The following GABPB2 variants were observed in gnomAD, a reference collection of about 807,000 sequenced individuals.
GABPB2 encodes GA binding protein transcription factor subunit beta 2.
A neutral mutation model predicts 39.1 loss-of-function variants in GABPB2; 23 were observed. The ratio of observed to expected loss-of-function variants is 0.59; its 90% CI spans 0.42 to 0.83. GABPB2 has a LOEUF of 0.83. Ranked by LOEUF, GABPB2 falls within the 40% of genes least tolerant of loss-of-function variation. GABPB2 has a pLI of 0.00. For synonymous variants in GABPB2, 184 were observed against 199.3 expected (o/e 0.92, Z 0.65); for missense variants, 467 against 541.1 (o/e 0.86, Z 1.36).
chr1:151,086,137 C>T (rs917448370), intron 1 of GABPB2, among the ~76,000 whole-genome samples: 3 of 151,896 alleles, frequency 2.0e-5, no homozygotes, highest in East Asian at 1.9e-4. Context: ...CCCAGCTACT[C>T]GGGAAGCTGA....
chr1:151,098,777 G>A (rs889446360), intron 5 of GABPB2, among the ~76,000 whole-genome samples: 1 of 152,112 alleles, frequency 6.6e-6, no homozygotes, highest in East Asian at 1.9e-4. Flanking sequence ...ACTTGGTGTT[G>A]ATCTTTTGAA....
chr1:151,089,905 A>G (rs1678523757), intron 2 of GABPB2, among the ~76,000 whole-genome samples: 2 of 150,948 alleles, frequency 1.3e-5, no homozygotes. Context: ...TACTTATTCA[A>G]TTGGTGGTAT....
At position 151,125,363 on chromosome 1, in the gene GABPB2, T is replaced by G. The variant is rs1681335980; in HGVS notation, c.*7107T>G. 6.6e-6 allele frequency: 1 copy of G among 152,130 alleles called. No individual in the cohort carries two copies. The highest frequency in any genetic ancestry group is 1.5e-5 in the Non-Finnish European group (1 of 68,038). The allele number at this position is 152,130 out of a possible 1,614,324, so 9.4% of individuals were successfully genotyped here. ...GTCTGACAGCTTTATGTACAGCGTA[T>G]TTTTAGAAAAACTTAAATATACTTC... On this transcript the variant is annotated 3_prime_UTR_variant, in exon 9 of 9. Coordinates refer to ENST00000368918, the MANE Select transcript of GABPB2 (RefSeq NM_144618.3).
chr1:151,093,235 CT>C lies in GABPB2; in HGVS notation c.323del (p.Leu108CysfsTer13). On this transcript the variant is annotated frameshift_variant, in exon 4 of 9. Coordinates refer to ENST00000368918, the MANE Select transcript of GABPB2 (RefSeq NM_144618.3). LOFTEE classifies it high-confidence loss of function. Reference sequence around the variant, plus strand: ...GCCAAGGACATGCTGAAGATGACAGCTTTGCATTGGGCCACAGAGCGCCACC... The same window carrying C: ...GCCAAGGACATGCTGAAGATGACAGCTTGCATTGGGCCACAGAGCGCCACC... ...VNAKDMLKMT[A>X]LHWATERHHR... is the part of the protein sequence containing the mutation. The C allele has an allele frequency of 6.2e-7, 1 of 1,607,034 alleles. No individual in the cohort carries two copies. Among genetic ancestry groups the C allele is most frequent in the Non-Finnish European group, 8.5e-7 (1 of 1,177,156 alleles).
At position 151,123,163 on chromosome 1, in the gene GABPB2, CA is replaced by C. The variant is rs1350690367; in HGVS notation, c.*4908del. 2.0e-5 allele frequency: 3 copies of C among 152,142 alleles called. No homozygotes were observed. 9.4% of individuals were successfully genotyped at this position (152,142 alleles called of 1,614,324 possible). A position where few individuals can be genotyped will look rare whatever the true frequency, so the allele number is the denominator to read the frequency against. ...GGTTGGATTATTAAGAATCAAATAG[CA>C]GACAAAAATGGCTGGGCACGGTGGC... On this transcript the variant is annotated 3_prime_UTR_variant, in exon 9 of 9. Coordinates refer to ENST00000368918, the MANE Select transcript of GABPB2 (RefSeq NM_144618.3).
intron 7 of GABPB2, among the ~76,000 whole-genome samples, chr1:151,109,364 A>ATATATTTTTT (rs779537595): frequency 8.9e-5 from 10 of 112,388 alleles, no homozygotes; most frequent in East Asian, 8.4e-4. Context: ...ATATATATAT[A>ATATATTTTTT]TTTTTTTTTT....
intron 1 of GABPB2, among the ~76,000 whole-genome samples, chr1:151,080,224 A>AC (rs1558126217): frequency 2.3e-5 from 3 of 128,342 alleles, no homozygotes; most frequent in African/African-American, 9.8e-5. Flanking sequence ...TCAAAAAAAA[A>AC]AAAAAAAAAA....
rs1226131527 is a variant in GABPB2 at position 151,123,808 on chromosome 1, C to T, written c.*5552C>T. The T allele has an allele frequency of 6.6e-6, 1 of 150,430 alleles. No individual in the cohort carries two copies. Among genetic ancestry groups the T allele is most frequent in the Non-Finnish European group, 1.5e-5 (1 of 67,896 alleles). The allele number at this position is 150,430 out of a possible 1,614,324, so 9.3% of individuals were successfully genotyped here. ...CAGAGCTTGCAGTGAGCTGAGATCGCCCCACTGCAACAGATCGCCTGGGCA... is the reference window on the plus strand; with the variant it reads ...CAGAGCTTGCAGTGAGCTGAGATCGTCCCACTGCAACAGATCGCCTGGGCA... On this transcript the variant is annotated 3_prime_UTR_variant, in exon 9 of 9. Coordinates refer to ENST00000368918, the MANE Select transcript of GABPB2 (RefSeq NM_144618.3).
In GABPB2 at chr1:151,118,117, C is replaced by T. The variant is rs750051024; in HGVS notation, c.1208C>T (p.Thr403Ile). The T allele has an allele frequency of 1.5e-5, 25 of 1,614,000 alleles. No individual in the cohort carries two copies. Among genetic ancestry groups the T allele is most frequent in the Non-Finnish European group, 2.0e-5 (24 of 1,180,036 alleles). ...ARQQPNGVDF[T>I]MVEEVAEVDA... ...CAGCAGCCCAATGGAGTTGATTTCA[C>T]CATGGTTGAAGAGGTGGCTGAGGTA... The change falls in exon 9 of 9, where the codon ACC becomes ATC. Residue 403 changes from threonine (T) to isoleucine (I), a missense_variant. By Grantham distance (89) the Thr-to-Ile change is moderately conservative. Coordinates refer to ENST00000368918, the MANE Select transcript of GABPB2 (RefSeq NM_144618.3).
chr1:151,079,268 C>T (rs1677446882), intron 1 of GABPB2, among the ~76,000 whole-genome samples: 2 of 152,034 alleles, frequency 1.3e-5, no homozygotes, highest in African/African-American at 4.8e-5. Flanking sequence ...AGGCCAGGTG[C>T]AGTGGCTCAC....
chr1:151,108,354 T>C lies in GABPB2; in HGVS notation c.922+1132T>C, dbSNP rs587646659. Reference sequence around the variant, plus strand: ...CCAGTTAATTTTTGTGTATTTTTAGTAGAGACAGGGTTTTACCATGTTAGC... The same window carrying C: ...CCAGTTAATTTTTGTGTATTTTTAGCAGAGACAGGGTTTTACCATGTTAGC... On this transcript the variant is annotated intron_variant, in intron 7 of 8. Transcript: ENST00000368918. Among the ~76,000 whole-genome samples the C allele has an allele frequency of 5.9e-5, 9 of 152,248 alleles. No individual in the cohort carries two copies. In the South Asian group the frequency reaches 1.2e-3, roughly 21 times the overall value.
At chr1:151,105,641 G>A (rs796219236) in intron 6 of GABPB2, among the ~76,000 whole-genome samples, 3 of 151,818 alleles carry the variant, frequency 2.0e-5, no homozygotes, top group African/African-American at 7.2e-5. Context: ...AGCCTCCTGA[G>A]TAGCTAGGAC....
At chr1:151,077,744 A>G (rs1316856852) in intron 1 of GABPB2, among the ~76,000 whole-genome samples, 4 of 147,754 alleles carry the variant, frequency 2.7e-5, no homozygotes, top group African/African-American at 1.0e-4. Context: ...CAAGGTCAGG[A>G]GTTCAAGACC....
chr1:151,074,372 G>A (rs775233468), intron 1 of GABPB2, among the ~76,000 whole-genome samples: 12 of 148,922 alleles, frequency 8.1e-5, no homozygotes, highest in East Asian at 8.0e-4. Context: ...GTGCAGTGGC[G>A]TGATCACGGC....
intron 7 of GABPB2, among the ~76,000 whole-genome samples, chr1:151,114,432 G>T (rs1025318580): frequency 6.6e-6 from 1 of 152,144 alleles, no homozygotes; most frequent in Non-Finnish European, 1.5e-5. Context: ...GGGAAATAGG[G>T]CCGGGCTCAG....
chr1:151,103,090 C>T lies in GABPB2; in HGVS notation c.623-472C>T, dbSNP rs182407740. 3.4e-3 allele frequency among the ~76,000 whole-genome samples: 473 copies of T among 140,794 alleles called. 1 individual carries two copies. The highest frequency in any genetic ancestry group is 8.8e-3 in the Middle Eastern group (2 of 228). 92.4% of individuals were successfully genotyped at this position (140,794 alleles called of 152,430 possible). The stretch of plus-strand genomic sequence containing the variant: ...TTTGAGAAGGAGTCTCGCTCTGTCG[C>T]CCAGGCTGAAGTGCAATGGTGTGAT... On this transcript the variant is annotated intron_variant, in intron 5 of 8. Transcript: ENST00000368918.
At chr1:151,113,946 C>A (rs150701882) in intron 7 of GABPB2, among the ~76,000 whole-genome samples, 2 of 152,192 alleles carry the variant, frequency 1.3e-5, no homozygotes, top group Admixed American at 1.3e-4. Flanking sequence ...ATCAATATTT[C>A]ATTCCTTCTT....
intron 7 of GABPB2, among the ~76,000 whole-genome samples, chr1:151,116,695 C>A (rs1439116621): frequency 6.6e-6 from 1 of 152,088 alleles, no homozygotes; most frequent in East Asian, 1.9e-4. Flanking sequence ...ACGGCCTCAA[C>A]TTCCCAGGCT....
chr1:151,094,167 T>G (rs139558280), intron 4 of GABPB2, among the ~76,000 whole-genome samples: 4 of 149,240 alleles, frequency 2.7e-5, no homozygotes, highest in African/African-American at 9.8e-5. Flanking sequence ...TTCTTCCACC[T>G]TAGCCTCCCG....
Sources: gnomAD v4.1 joint callset for allele counts (sites outside exome capture counted in the v4.1 genomes callset) on GRCh38, gnomAD v4.1.1 for gene constraint, MANE v1.5 for transcripts, NCBI Gene and HGNC (gene_info 2026-07-23, HGNC 2026-07-21) for gene names.